Variants in PLEKHA8 observed in about 807,000 individuals in gnomAD.
The protein encoded by PLEKHA8 is pleckstrin homology domain-containing family A member 8.
A neutral mutation model predicts 68.2 loss-of-function variants in PLEKHA8; 36 were observed. That is an observed-to-expected ratio of 0.53 (90% confidence interval 0.40 to 0.70). The LOEUF is 0.70. PLEKHA8 is among the 30% of genes least tolerant of loss of function. PLEKHA8 has a pLI of 0.00. For synonymous variants in PLEKHA8, 211 were observed against 216.1 expected (o/e 0.98, Z 0.20); for missense variants, 505 against 615.4 (o/e 0.82, Z 1.90).
chr7:30,086,715 A>G (rs746613551), downstream of PLEKHA8, among the ~76,000 whole-genome samples: 1 of 152,240 alleles, frequency 6.6e-6, no homozygotes, highest in Non-Finnish European at 1.5e-5. Flanking sequence ...TCTGTGCTGC[A>G]GTAGAGAAAC....
intron 13 of PLEKHA8, among the ~76,000 whole-genome samples, chr7:30,122,655 T>A (rs1399340985): frequency 2.0e-5 from 3 of 152,232 alleles, no homozygotes; most frequent in Non-Finnish European, 4.4e-5. Flanking sequence ...AAGGGACTCC[T>A]GAGTTTGAGG....
chr7:30,118,704 A>G (rs1796644918), intron 13 of PLEKHA8, among the ~76,000 whole-genome samples: 2 of 151,068 alleles, frequency 1.3e-5, no homozygotes, highest in African/African-American at 4.9e-5. Flanking sequence ...CAGCCTCCCC[A>G]GCAGCTGGGA....
chr7:30,037,597 A>G (rs1021877503), intron 1 of PLEKHA8, among the ~76,000 whole-genome samples: 5 of 152,188 alleles, frequency 3.3e-5, no homozygotes, highest in African/African-American at 9.7e-5. Flanking sequence ...AAGTTTAGGG[A>G]CTTAACCTTT....
chr7:30,094,414 A>G (rs1235247236), downstream of PLEKHA8, among the ~76,000 whole-genome samples: 1 of 151,922 alleles, frequency 6.6e-6, no homozygotes, highest in Non-Finnish European at 1.5e-5. Context: ...AGCTAGGATT[A>G]TAGGCGCCTG....
downstream of PLEKHA8, among the ~76,000 whole-genome samples, chr7:30,094,233 A>T (rs552491078): frequency 2.1e-4 from 32 of 151,562 alleles, no homozygotes; most frequent in African/African-American, 7.7e-4. Flanking sequence ...TCTTTGATTT[A>T]ATCTGCTAAA....
At chr7:30,057,081 C>T (rs965760615) in intron 9 of PLEKHA8, among the ~76,000 whole-genome samples, 3 of 151,784 alleles carry the variant, frequency 2.0e-5, no homozygotes, top group Admixed American at 6.6e-5. Flanking sequence ...TGAGGTATAA[C>T]TTGCGTAGGT....
At chr7:30,092,396 C>T (rs1423061801), downstream of PLEKHA8, among the ~76,000 whole-genome samples, 2 of 152,042 alleles carry the variant, frequency 1.3e-5, no homozygotes, top group Non-Finnish European at 2.9e-5. Context: ...CCTAGTCTCC[C>T]CACTTTGCAC....
chr7:30,092,045 GACC>G (rs1161585134), downstream of PLEKHA8, among the ~76,000 whole-genome samples: 1 of 152,192 alleles, frequency 6.6e-6, no homozygotes, highest in African/African-American at 2.4e-5. Context: ...AGCAACTAAG[GACC>G]CTGTCTCTGT....
At chr7:30,048,288 T>C (rs1182261558) in intron 4 of PLEKHA8, among the ~76,000 whole-genome samples, 6 of 152,210 alleles carry the variant, frequency 3.9e-5, no homozygotes, top group South Asian at 2.1e-4. Flanking sequence ...AGTACTGTCA[T>C]ACTAAAATAT....
intron 6 of PLEKHA8, chr7:30,050,679 TGTTG>T: frequency 5.5e-6 from 3 of 544,514 alleles, no homozygotes; most frequent in Non-Finnish European, 5.7e-6. Flanking sequence ...ATAGGGAAGA[TGTTG>T]GCATTTTCCC....
intron 1 of PLEKHA8, among the ~76,000 whole-genome samples, chr7:30,034,775 T>A (rs1389169094): frequency 6.6e-6 from 1 of 152,112 alleles, no homozygotes; most frequent in African/African-American, 2.4e-5. Context: ...TATGCAAGGA[T>A]CAACTGTATT....
At position 30,060,131 on chromosome 7, in the gene PLEKHA8, G is replaced by A. The variant is rs149904852; in HGVS notation, c.1040-753G>A. 9.5e-4 allele frequency among the ~76,000 whole-genome samples: 136 copies of A among 142,482 alleles called. 1 individual carries two copies. The highest frequency in any genetic ancestry group is 4.8e-3 in the Middle Eastern group (1 of 208). 93.5% of individuals were successfully genotyped at this position (142,482 alleles called of 152,430 possible). A position where few individuals can be genotyped will look rare whatever the true frequency, so the allele number is the denominator to read the frequency against. ...TAGCCTGGTGACAGAGCGAGACTCCGTCCCCCCAGAAAAAAGAATCATTAA... is the reference window on the plus strand; with the variant it reads ...TAGCCTGGTGACAGAGCGAGACTCCATCCCCCCAGAAAAAAGAATCATTAA... On this transcript the variant is annotated intron_variant, in intron 9 of 13. Transcript: ENST00000449726.
chr7:30,029,041 A>G (rs993322454), intron 1 of PLEKHA8, among the ~76,000 whole-genome samples: 4 of 152,212 alleles, frequency 2.6e-5, no homozygotes, highest in Non-Finnish European at 5.9e-5. Context: ...AAGGAAGGCT[A>G]CAAAGACTGA....
chr7:30,057,722 A>G (rs537565456), intron 9 of PLEKHA8, among the ~76,000 whole-genome samples: 1 of 152,286 alleles, frequency 6.6e-6, no homozygotes, highest in East Asian at 1.9e-4. Flanking sequence ...CGGTCTCCCA[A>G]AGTGCTGGGA....
intron 13 of PLEKHA8, chr7:30,115,851 C>CATGT (rs1271688900): frequency 1.7e-4 from 25 of 149,696 alleles, no homozygotes; most frequent in East Asian, 5.9e-4. Context: ...TACACGTATG[C>CATGT]ATACATACGT....
In PLEKHA8 at chr7:30,078,656, C is replaced by T. The variant is rs552205503; in HGVS notation, c.1429C>T (p.His477Tyr). The T allele has an allele frequency of 7.4e-6, 12 of 1,613,834 alleles. No homozygotes were observed. The African/African-American group carries it at 1.5e-4, about 20-fold the overall frequency. ...CGCGTTAACCGTAAAGGAAGGTGAC[C>T]ACCAGAAAGAAGCTTTCAGTATTGG... Reference protein sequence around the residue: ...VAALTVKEGDHQKEAFSIGMQ... With the variant: ...VAALTVKEGDYQKEAFSIGMQ... The change falls in exon 14 of 14, where the codon CAC (histidine) becomes TAC (tyrosine). Residue 477 changes from histidine (H) to tyrosine (Y), a missense_variant. Transcript: ENST00000449726.
At chr7:30,118,729 C>T (rs889104431) in intron 13 of PLEKHA8, among the ~76,000 whole-genome samples, 6 of 152,144 alleles carry the variant, frequency 3.9e-5, no homozygotes, top group African/African-American at 9.7e-5. Context: ...AGGCGCCCGC[C>T]GCCACGCCTG....
chr7:30,076,082 TG>T (rs1794593010), intron 13 of PLEKHA8, among the ~76,000 whole-genome samples: 1 of 151,998 alleles, frequency 6.6e-6, no homozygotes, highest in Admixed American at 6.6e-5. Context: ...TGTTTATACA[TG>T]CATATAGTAT....
At chr7:30,067,580 G>A (rs1458468676) in intron 12 of PLEKHA8, among the ~76,000 whole-genome samples, 6 of 152,186 alleles carry the variant, frequency 3.9e-5, no homozygotes, top group Admixed American at 6.5e-5. Context: ...CCTTAATCCC[G>A]TGACTCCCAT....
Sources: gnomAD v4.1 joint callset for allele counts (sites outside exome capture counted in the v4.1 genomes callset) on GRCh38, gnomAD v4.1.1 for gene constraint, MANE v1.5 for transcripts, NCBI Gene and HGNC (gene_info 2026-07-23, HGNC 2026-07-21) for gene names.